Variants in VPS35 observed in about 807,000 individuals in gnomAD.
VPS35 encodes vacuolar protein sorting-associated protein 35.
In VPS35, 21 loss-of-function variants were observed where a neutral mutation model predicts 98.1. That is an observed-to-expected ratio of 0.21 (90% CI 0.15 to 0.31). The LOEUF (loss-of-function observed/expected upper bound fraction) is 0.31. Ranked by LOEUF, VPS35 falls within the 10% of genes least tolerant of loss-of-function variation. The pLI is 1.00. For synonymous variants in VPS35, 268 were observed against 318.2 expected (o/e 0.84, Z 1.68); for missense variants, 554 against 950.8 (o/e 0.58, Z 5.49).
chr16:46,676,925 C>T (rs1299019230), intron 7 of VPS35, among the ~76,000 whole-genome samples: 2 of 152,060 alleles, frequency 1.3e-5, no homozygotes, highest in East Asian at 1.9e-4. Flanking sequence ...TCAGATTACT[C>T]ATTCCTACAT....
At position 46,670,764 on chromosome 16, in the gene VPS35, C is replaced by A. The variant is rs536124485; in HGVS notation, c.1524+941G>T. The stretch of plus-strand genomic sequence containing the variant: ...CAGTCCTGGAATGTTTGTCACTAAA[C>A]CAAGACAAAGACCATCACACTATCA... On this transcript the variant is annotated intron_variant, in intron 12 of 16. Coordinates refer to ENST00000299138, the MANE Select transcript of VPS35 (RefSeq NM_018206.6). Among the ~76,000 whole-genome samples the A allele has an allele frequency of 6.6e-5, 10 of 152,286 alleles. 1 individual carries two copies. In the South Asian group the frequency reaches 1.4e-3, roughly 22 times the overall value.
intron 1 of VPS35, among the ~76,000 whole-genome samples, chr16:46,684,736 G>A (rs138949792): frequency 1.3e-5 from 2 of 152,196 alleles, no homozygotes; most frequent in African/African-American, 4.8e-5. Context: ...CTCCACAAAT[G>A]TTCACTGCAT....
At chr16:46,674,789 G>C in intron 8 of VPS35, 129 bp from the exon 9 acceptor site, 1 of 856,802 alleles carries the variant, frequency 1.2e-6, no homozygotes, top group South Asian at 1.6e-5. Context: ...TGTTTTTTTT[G>C]TTTTGTTTTG....
In VPS35 at chr16:46,686,566, T is replaced by C; in HGVS notation, c.3+2565A>G. Among the ~76,000 whole-genome samples, 3 of 152,356 alleles carry C rather than the reference T, an allele frequency of 2.0e-5. No individual in the cohort carries two copies. The East Asian group carries it at 5.8e-4, about 29-fold the overall frequency. The stretch of plus-strand genomic sequence containing the variant: ...TAAGCTACAAGTGAAGACATAAAGC[T>C]ATAGTAAAGCAATCTATTTTTATAT... On this transcript the variant is annotated intron_variant, in intron 1 of 16. Transcript: ENST00000299138.
At chr16:46,682,307 A>G in intron 2 of VPS35, 132 bp from the exon 3 acceptor site, 1 of 742,196 alleles carries the variant, frequency 1.3e-6, no homozygotes, top group Non-Finnish European at 2.3e-6. Flanking sequence ...GATTTTAACC[A>G]CATTAAAAAA....
At chr16:46,665,608 T>G (rs1015726858) in intron 13 of VPS35, among the ~76,000 whole-genome samples, 1 of 136,040 alleles carries the variant, frequency 7.4e-6, no homozygotes, top group African/African-American at 2.7e-5. Flanking sequence ...AAAAAAAAAG[T>G]GACAGTGGCA....
At chr16:46,679,278 C>G in intron 5 of VPS35, 122 bp from the exon 6 acceptor site, 1 of 919,306 alleles carries the variant, frequency 1.1e-6, no homozygotes, top group South Asian at 1.5e-5. Flanking sequence ...AAATCACTTT[C>G]AACTTCATTG....
intron 11 of VPS35, 149 bp from the exon 12 acceptor site, chr16:46,672,009 A>G: frequency 9.5e-7 from 1 of 1,055,690 alleles, no homozygotes; most frequent in Non-Finnish European, 1.4e-6. Context: ...CATGTATGTC[A>G]TACACACATA....
intron 5 of VPS35, among the ~76,000 whole-genome samples, chr16:46,679,686 A>G (rs546017331): frequency 6.6e-6 from 1 of 152,342 alleles, no homozygotes; most frequent in South Asian, 2.1e-4. Context: ...GGAAGAGACC[A>G]TGGATTTCCT....
intron 12 of VPS35, 84 bp from the exon 13 acceptor site, chr16:46,669,136 G>T: frequency 1.3e-6 from 2 of 1,543,380 alleles, no homozygotes; most frequent in Non-Finnish European, 1.8e-6. Flanking sequence ...AATCATCATT[G>T]CTAACATTTT....
intron 8 of VPS35, 103 bp downstream of exon 8, chr16:46,676,478 CAT>C (rs1966154486): frequency 1.3e-6 from 1 of 761,126 alleles, no homozygotes. Flanking sequence ...AAATTAAGAT[CAT>C]TGGTATGATA....
chr16:46,676,734 A>C, intron 7 of VPS35, 42 bp from the exon 8 acceptor site: 2 of 1,387,510 alleles, frequency 1.4e-6, no homozygotes, highest in Admixed American at 1.7e-5. Flanking sequence ...TATTTCACGT[A>C]ATATTCTGGA....
intron 10 of VPS35, among the ~76,000 whole-genome samples, chr16:46,673,143 T>G (rs1386848323): frequency 6.6e-6 from 1 of 152,102 alleles, no homozygotes; most frequent in Non-Finnish European, 1.5e-5. Context: ...TTTTTAATTT[T>G]ATTTTTTATT....
At position 46,680,681 on chromosome 16, in the gene VPS35, C is replaced by T. The variant is rs756353898; in HGVS notation, c.496G>A (p.Glu166Lys). The T allele has an allele frequency of 1.1e-5, 18 of 1,613,814 alleles. No homozygotes were observed. Among genetic ancestry groups the T allele is most frequent in the Admixed American group, 1.7e-5 (1 of 59,978 alleles). ...CTRNILPDEG[E>K]PTDEETTGDI... is the part of the protein sequence containing the mutation. ...AAGAAAATCACTTACTCTGTTGGCT[C>T]TCCTTCATCAGGTAAGATATTTCTG... The change falls in exon 5 of 17, where the codon GAG (glutamate) becomes AAG (lysine). Residue 166 changes from glutamate to lysine, a missense_variant. Coordinates refer to ENST00000299138, the MANE Select transcript of VPS35 (RefSeq NM_018206.6).
intron 7 of VPS35, among the ~76,000 whole-genome samples, chr16:46,677,056 A>C (rs1393722381): frequency 6.6e-6 from 1 of 152,052 alleles, no homozygotes; most frequent in African/African-American, 2.4e-5. Context: ...AGAAACACTA[A>C]AAAAATTTTT....
In VPS35 at chr16:46,664,681, C is replaced by T. The variant is rs578064762; in HGVS notation, c.1648-1519G>A. ...GGATTACAGGCATGCGCCACCACACCCAGCTAATTTTGTATTTTTAGTAGA... is the reference window on the plus strand; with the variant it reads ...GGATTACAGGCATGCGCCACCACACTCAGCTAATTTTGTATTTTTAGTAGA... On this transcript the variant is annotated intron_variant, in intron 13 of 16. Transcript: ENST00000299138. Among the ~76,000 whole-genome samples the T allele has an allele frequency of 8.3e-4, 127 of 152,120 alleles. 1 individual carries two copies. The highest frequency in any genetic ancestry group is 2.9e-3 in the African/African-American group (122 of 41,508).
Position 46,689,115 on chromosome 16 carries a change from C to T in VPS35, c.3+16G>A, listed in dbSNP as rs776604765. 1.9e-6 allele frequency: 3 copies of T among 1,608,256 alleles called. No individual in the cohort carries two copies. Among genetic ancestry groups the T allele is most frequent in the South Asian group, 1.1e-5 (1 of 89,838 alleles). ...AGGAGGGTCGACCCAGGTGCCACTGCCCCCTCAGCACTCACCATGGCGACT... is the reference window on the plus strand; with the variant it reads ...AGGAGGGTCGACCCAGGTGCCACTGTCCCCTCAGCACTCACCATGGCGACT... On this transcript the variant is annotated intron_variant, in intron 1 of 16. Transcript: ENST00000299138.
At position 46,657,041 on chromosome 16, in the gene VPS35, T is replaced by C. The variant is rs959082566; in HGVS notation, c.*3431A>G. The stretch of plus-strand genomic sequence containing the variant: ...AATATACAGTCCCTCTCCAGAGATT[T>C]TGGAAGCATGGACCATTTTGTTGGA... On this transcript the variant is annotated 3_prime_UTR_variant, in exon 17 of 17. Transcript: ENST00000299138. 6.6e-6 allele frequency: 1 copy of C among 152,166 alleles called. No individual in the cohort carries two copies. Among genetic ancestry groups the C allele is most frequent in the African/African-American group, 2.4e-5 (1 of 41,402 alleles). The allele number at this position is 152,166 out of a possible 1,614,324, so 9.4% of individuals were successfully genotyped here. A position where few individuals can be genotyped will look rare whatever the true frequency, so the allele number is the denominator to read the frequency against.
intron 8 of VPS35, among the ~76,000 whole-genome samples, chr16:46,675,687 T>G (rs1219143384): frequency 6.6e-6 from 1 of 152,200 alleles, no homozygotes; most frequent in Non-Finnish European, 1.5e-5. Context: ...CAGAAATAAA[T>G]CTTCTCTTAG....
Sources: allele counts gnomAD v4.1 joint callset (sites outside exome capture counted in the v4.1 genomes callset), GRCh38; gene constraint gnomAD v4.1.1; transcripts MANE v1.5; gene names NCBI Gene and HGNC (gene_info 2026-07-23, HGNC 2026-07-21).